TTC29: variants seen among roughly 807,000 people sequenced by gnomAD.
The protein encoded by TTC29 is tetratricopeptide repeat protein 29.
Under a neutral mutation model 58.1 loss-of-function variants are expected in TTC29, and 49 were observed. That is an observed-to-expected ratio of 0.84 (90% CI 0.67 to 1.07). The LOEUF is 1.07. Ranked by LOEUF, TTC29 falls within the 50% of genes least tolerant of loss-of-function variation. The probability of loss-of-function intolerance (pLI) is 0.00; values close to 1 mark genes in which losing one functional copy is unlikely to be tolerated. For missense variants in TTC29, 582 were observed against 555.6 expected (o/e 1.05, Z -0.48); for synonymous variants, 209 against 196.8 (o/e 1.06, Z -0.52).
At chr4:146,900,461 C>A (rs969422271) in intron 6 of TTC29, among the ~76,000 whole-genome samples, 1 of 152,148 alleles carries the variant, frequency 6.6e-6, no homozygotes, top group African/African-American at 2.4e-5. Context: ...AATCTCATGG[C>A]AGACCCTCCC....
chr4:146,888,385 G>A (rs914553319), intron 6 of TTC29, among the ~76,000 whole-genome samples: 1 of 152,094 alleles, frequency 6.6e-6, no homozygotes, highest in Non-Finnish European at 1.5e-5. Context: ...GAATGGGTTC[G>A]CTAACATGGA....
intron 11 of TTC29, among the ~76,000 whole-genome samples, chr4:146,758,661 A>C (rs1746634182): frequency 6.6e-6 from 1 of 152,186 alleles, no homozygotes; most frequent in South Asian, 2.1e-4. Flanking sequence ...ACAGTGGAAT[A>C]AAACTGGAAA....
chr4:146,806,506 C>T (rs1750626568), intron 10 of TTC29, among the ~76,000 whole-genome samples: 1 of 151,418 alleles, frequency 6.6e-6, no homozygotes, highest in African/African-American at 2.4e-5. Context: ...TGCAAAGGCA[C>T]ATATAGACTT....
intron 11 of TTC29, among the ~76,000 whole-genome samples, chr4:146,736,296 C>A (rs1343887193): frequency 6.6e-6 from 1 of 151,436 alleles, no homozygotes; most frequent in Non-Finnish European, 1.5e-5. Flanking sequence ...GTTCCTGGAA[C>A]TAGGACAACA....
intron 8 of TTC29, among the ~76,000 whole-genome samples, chr4:146,841,338 CTG>C (rs1304961005): frequency 6.6e-6 from 1 of 152,130 alleles, no homozygotes; most frequent in East Asian, 1.9e-4. Flanking sequence ...TGGCACAGCA[CTG>C]TGCATGCACA....
chr4:146,817,249 T>C (rs1471960312), intron 10 of TTC29, among the ~76,000 whole-genome samples: 1 of 152,130 alleles, frequency 6.6e-6, no homozygotes, highest in African/African-American at 2.4e-5. Context: ...GGGTACAAAA[T>C]CAATGTGCAA....
rs575312021 is a variant in TTC29, at chr4:146,896,681, G to A, written c.586+6863C>T. Among the ~76,000 whole-genome samples, 73 of 152,094 alleles carry A rather than the reference G, an allele frequency of 4.8e-4. 1 individual carries two copies. Among genetic ancestry groups the A allele is most frequent in the Non-Finnish European group, 8.5e-4 (58 of 67,986 alleles). ...TTCCTCAGGAACTTCCATATTTGTCGTCTTCTCTCATTGTTTTCATTTCTT... is the reference window on the plus strand; with the variant it reads ...TTCCTCAGGAACTTCCATATTTGTCATCTTCTCTCATTGTTTTCATTTCTT... On this transcript the variant is annotated intron_variant, in intron 6 of 12. Coordinates refer to ENST00000325106, the MANE Select transcript of TTC29 (RefSeq NM_031956.4).
At chr4:146,790,020 T>C (rs1749312007) in intron 11 of TTC29, among the ~76,000 whole-genome samples, 1 of 152,136 alleles carries the variant, frequency 6.6e-6, no homozygotes, top group African/African-American at 2.4e-5. Flanking sequence ...CCAGCCATAT[T>C]GGTTTCTATC....
intron 4 of TTC29, among the ~76,000 whole-genome samples, chr4:146,921,227 C>T (rs540710893): frequency 2.0e-4 from 30 of 151,350 alleles, no homozygotes; most frequent in Admixed American, 7.3e-4. Flanking sequence ...TATAAAAGAT[C>T]TTGTATATAA....
intron 8 of TTC29, among the ~76,000 whole-genome samples, chr4:146,844,700 C>T (rs916057745): frequency 6.6e-6 from 1 of 152,082 alleles, no homozygotes; most frequent in Non-Finnish European, 1.5e-5. Context: ...TAACCTTTTG[C>T]TAAGGAAATC....
rs1736093422 is a variant in TTC29 at position 146,938,870 on chromosome 4, T to C, written c.92+934A>G. Among the ~76,000 whole-genome samples, 3 of 152,320 alleles carry C rather than the reference T, an allele frequency of 2.0e-5. No individual in the cohort carries two copies. In the South Asian group the frequency reaches 6.2e-4, roughly 32 times the overall value. ...AAACTATTTATATTGGTAACTAATA[T>C]GTATGTTACTAAAAGTCAATAGAAT... is the stretch of plus-strand genomic sequence containing the variant. On this transcript the variant is annotated intron_variant, in intron 3 of 12. Coordinates refer to ENST00000325106, the MANE Select transcript of TTC29 (RefSeq NM_031956.4).
At chr4:146,798,928 A>G (rs1750022272) in intron 11 of TTC29, among the ~76,000 whole-genome samples, 1 of 149,208 alleles carries the variant, frequency 6.7e-6, no homozygotes, top group Non-Finnish European at 1.5e-5. Context: ...ACAAAATACC[A>G]TATTTAGTGA....
intron 11 of TTC29, among the ~76,000 whole-genome samples, chr4:146,775,004 C>T (rs1029318721): frequency 6.6e-6 from 1 of 151,932 alleles, no homozygotes; most frequent in Non-Finnish European, 1.5e-5. Flanking sequence ...TTATATAATG[C>T]CCTTGTCTTT....
intron 8 of TTC29, among the ~76,000 whole-genome samples, chr4:146,840,700 A>G (rs1232040487): frequency 3.9e-5 from 6 of 152,144 alleles, no homozygotes; most frequent in Non-Finnish European, 7.4e-5. Context: ...TGAAATAAAT[A>G]AATAAATGAA....
intron 11 of TTC29, among the ~76,000 whole-genome samples, chr4:146,743,924 T>A (rs1293851428): frequency 2.0e-5 from 3 of 152,148 alleles, no homozygotes; most frequent in Admixed American, 6.5e-5. Flanking sequence ...GAGCAATTGA[T>A]CAAAGGAATG....
At chr4:146,806,396 T>C (rs781223787) in intron 10 of TTC29, among the ~76,000 whole-genome samples, 2 of 152,186 alleles carry the variant, frequency 1.3e-5, no homozygotes, top group Non-Finnish European at 2.9e-5. Flanking sequence ...TAACCTTAAA[T>C]GTAAATGGGC....
chr4:146,741,047 C>T (rs1745103303), intron 11 of TTC29, among the ~76,000 whole-genome samples: 1 of 152,162 alleles, frequency 6.6e-6, no homozygotes, highest in Admixed American at 6.5e-5. Context: ...TTAATGATTT[C>T]AGAGTTGAAG....
intron 10 of TTC29, among the ~76,000 whole-genome samples, chr4:146,809,270 A>C (rs1750843971): frequency 6.7e-6 from 1 of 150,152 alleles, no homozygotes; most frequent in Non-Finnish European, 1.5e-5. Flanking sequence ...GTAAGACCTA[A>C]AACCATAAAA....
chr4:146,919,781 G>T (rs1264582857), intron 4 of TTC29, among the ~76,000 whole-genome samples: 3 of 150,862 alleles, frequency 2.0e-5, no homozygotes, highest in African/African-American at 7.3e-5. Context: ...ATAAATAAAA[G>T]AACTATCAAC....
Sources: allele counts gnomAD v4.1 joint callset (sites outside exome capture counted in the v4.1 genomes callset), GRCh38; gene constraint gnomAD v4.1.1; transcripts MANE v1.5; gene names NCBI Gene and HGNC (gene_info 2026-07-23, HGNC 2026-07-21).